ALPP: variants seen among roughly 807,000 people sequenced by gnomAD.
ALPP encodes alkaline phosphatase, placental.
Under a neutral mutation model 50.7 loss-of-function variants are expected in ALPP, and 39 were observed. The ratio of observed to expected loss-of-function variants is 0.77; its 90% CI spans 0.60 to 1.00. The LOEUF (loss-of-function observed/expected upper bound fraction) is 1.00. ALPP is among the 50% of genes least tolerant of loss of function. ALPP has a pLI of 0.00. For synonymous variants in ALPP, 226 were observed against 320.3 expected (o/e 0.71, Z 3.14); for missense variants, 550 against 746.8 (o/e 0.74, Z 3.07).
rs1049043 is a variant in ALPP at position 232,382,113 on chromosome 2, C to T, written c.*318C>T. 5 of 489,894 alleles carry T rather than the reference C, an allele frequency of 1.0e-5. No individual in the cohort carries two copies. Among genetic ancestry groups the T allele is most frequent in the African/African-American group, 2.0e-5 (1 of 50,310 alleles). 30.3% of individuals were successfully genotyped at this position (489,894 alleles called of 1,614,324 possible). ...AGCCCAGTGGGTACCAGGCAGGCTC[C>T]CTTCCTGGGGAAAAGAAGCACCCAG... On this transcript the variant is annotated 3_prime_UTR_variant, in exon 11 of 11. Transcript: ENST00000392027.
At chr2:232,381,466 C>T in intron 10 of ALPP, 31 bp from the exon 11 acceptor site, 1 of 1,612,536 alleles carries the variant, frequency 6.2e-7, no homozygotes, top group Non-Finnish European at 8.5e-7. Flanking sequence ...ACTGAATGAA[C>T]CCTCCTACCG....
rs773483429 is a variant in ALPP, at chr2:232,381,340, C to T, written c.1282C>T (p.Arg428Trp). 28 of 1,614,056 alleles carry T rather than the reference C, an allele frequency of 1.7e-5. No individual in the cohort carries two copies. The highest frequency in any genetic ancestry group is 2.2e-5 in the East Asian group (1 of 44,888). ...GPGYVLKDGA[R>W]PDVTESESGS... Reference sequence around the variant, plus strand: ...AGGCTATGTGCTCAAGGACGGCGCCCGGCCGGATGTTACCGAGAGCGAGAG... The same window carrying T: ...AGGCTATGTGCTCAAGGACGGCGCCTGGCCGGATGTTACCGAGAGCGAGAG... The change falls in exon 10 of 11, where the codon CGG (arginine) becomes TGG (tryptophan). Residue 428 changes from arginine (R) to tryptophan (W), a missense_variant. Transcript: ENST00000392027.
chr2:232,380,399 T>C (rs201872914), intron 6 of ALPP, 21 bp from the exon 7 acceptor site: 16,816 of 1,613,128 alleles, frequency 0.01, 178 homozygotes, highest in South Asian at 0.028. Context: ...GGCTGAGGCC[T>C]GGCTCTCTCC....
rs1696728487 is a variant in ALPP, at chr2:232,382,061, G to A, written c.*266G>A. The stretch of plus-strand genomic sequence containing the variant: ...CTGCCTGCACCCCAGGAAAGGAGGG[G>A]GCTCAGGCCATCCAGCCACCACCTA... On this transcript the variant is annotated 3_prime_UTR_variant, in exon 11 of 11. Coordinates refer to ENST00000392027, the MANE Select transcript of ALPP (RefSeq NM_001632.5). The A allele has an allele frequency of 4.9e-6, 3 of 614,618 alleles. No individual in the cohort carries two copies. Among genetic ancestry groups the A allele is most frequent in the Admixed American group, 6.2e-5 (2 of 32,386 alleles). 38.1% of individuals were successfully genotyped at this position (614,618 alleles called of 1,614,324 possible). A position where few individuals can be genotyped will look rare whatever the true frequency, so the allele number is the denominator to read the frequency against.
At position 232,382,688 on chromosome 2, in the gene ALPP, C is replaced by T. The variant is rs1575047064; in HGVS notation, c.*893C>T. ...ACCATCCTGGCTAACACGGTGAAAC[C>T]CCTTATCTATGCGCCTGTAGTCCCA... On this transcript the variant is annotated 3_prime_UTR_variant, in exon 11 of 11. Transcript: ENST00000392027. 6.6e-6 allele frequency: 1 copy of T among 152,208 alleles called. No individual in the cohort carries two copies. The highest frequency in any genetic ancestry group is 2.1e-4 in the South Asian group (1 of 4,786). 9.4% of individuals were successfully genotyped at this position (152,208 alleles called of 1,614,324 possible). A position where few individuals can be genotyped will look rare whatever the true frequency, so the allele number is the denominator to read the frequency against.
At chr2:232,380,045 G>A (rs1296633566) in intron 5 of ALPP, 109 bp downstream of exon 5, 39 of 1,564,324 alleles carry the variant, frequency 2.5e-5, no homozygotes, top group Non-Finnish European at 3.2e-5. Context: ...GGGTCTGGAG[G>A]TGGGGTTGTG....
At chr2:232,381,433 G>A in intron 10 of ALPP, 64 bp from the exon 11 acceptor site, 2 of 1,612,510 alleles carry the variant, frequency 1.2e-6, no homozygotes, top group South Asian at 1.1e-5. Context: ...TGGCGGGAAG[G>A]GGTCACCTCC....
chr2:232,381,594 C>G lies in ALPP; in HGVS notation c.1407C>G (p.His469Gln), dbSNP rs776123736. 1.1e-4 allele frequency: 178 copies of G among 1,612,604 alleles called. No individual in the cohort carries two copies. Among genetic ancestry groups the G allele is most frequent in the Non-Finnish European group, 1.3e-4 (158 of 1,179,690 alleles). Reference sequence around the variant, plus strand: ...TGTTCGCGCGCGGCCCGCAGGCGCACCTGGTTCACGGCGTGCAGGAGCAGA... The same window carrying G: ...TGTTCGCGCGCGGCCCGCAGGCGCAGCTGGTTCACGGCGTGCAGGAGCAGA... ...VAVFARGPQA[H>Q]LVHGVQEQTF... Residue 469 changes from histidine to glutamine, a missense_variant, in exon 11 of 11, where the codon CAC (histidine) becomes CAG (glutamine). His to Gln is a conservative substitution (Grantham distance 24). Around this residue, in one of 5 missense-constraint regions of ALPP, gnomAD observed 155 missense variants for 167.6 expected, o/e 0.92. Coordinates refer to ENST00000392027, the MANE Select transcript of ALPP (RefSeq NM_001632.5).
chr2:232,378,835 G>A lies in ALPP; in HGVS notation c.33G>A (p.Leu11=), dbSNP rs746223872. 47 of 1,614,052 alleles carry A rather than the reference G, an allele frequency of 2.9e-5. No individual in the cohort carries two copies. Among genetic ancestry groups the A allele is most frequent in the Middle Eastern group, 1.7e-4 (1 of 6,060 alleles). Residue 11 remains leucine, a synonymous_variant, in exon 1 of 11, where the codon CTG becomes CTA. Transcript: ENST00000392027. MLGPCMLLLL[L]LLGLRLQLSL... ...GGCCCTGCATGCTGCTGCTGCTGCT[G>A]CTGCTGGGCCTGAGGCTACAGCTCT... is the stretch of plus-strand genomic sequence containing the variant.
intron 7 of ALPP, 37 bp downstream of exon 7, chr2:232,380,529 G>A: frequency 6.2e-7 from 1 of 1,613,920 alleles, no homozygotes. Flanking sequence ...TCCCTCAGAT[G>A]GCCTCAGATG....
Position 232,381,676 on chromosome 2 carries a change from G to T in ALPP, c.1489G>T (p.Asp497Tyr). The stretch of plus-strand genomic sequence containing the variant: ...CTGCCTGGAGCCCTACACCGCCTGC[G>T]ACCTGGCGCCCCCCGCCGGCACCAC... ...AACLEPYTAC[D>Y]LAPPAGTTDA... Residue 497 changes from aspartate to tyrosine, a missense_variant, in exon 11 of 11, where the codon GAC (aspartate) becomes TAC (tyrosine). Physicochemically the swap from Asp to Tyr is radical, Grantham distance 160. Transcript: ENST00000392027. The T allele has an allele frequency of 1.2e-6, 2 of 1,609,276 alleles. No individual in the cohort carries two copies. The highest frequency in any genetic ancestry group is 1.7e-5 in the Admixed American group (1 of 59,820).
rs1187859337 is a variant in ALPP, at chr2:232,379,499, G to A, written c.310-14G>A. 3.1e-6 allele frequency: 5 copies of A among 1,613,904 alleles called. No individual in the cohort carries two copies. The highest frequency in any genetic ancestry group is 3.4e-6 in the Non-Finnish European group (4 of 1,179,990). On this transcript the variant is annotated splice_polypyrimidine_tract_variant and intron_variant, in intron 3 of 10. Transcript: ENST00000392027. ...TCTGCCCCAGAGAAGAGCTCAGAGT[G>A]TCTCTGTCCCCAGACATACAATGTA...
rs768030820 is a variant in ALPP at position 232,380,441 on chromosome 2, C to T, written c.814C>T (p.Arg272Cys). The T allele has an allele frequency of 1.7e-5, 28 of 1,613,820 alleles. No individual in the cohort carries two copies. The highest frequency in any genetic ancestry group is 4.5e-5 in the East Asian group (2 of 44,796). Reference sequence around the variant, plus strand: ...ACAGGGTGCCCGGTATGTGTGGAACCGCACTGAGCTCATGCAGGCTTCCCT... The same window carrying T: ...ACAGGGTGCCCGGTATGTGTGGAACTGCACTGAGCTCATGCAGGCTTCCCT... ...KRQGARYVWNRTELMQASLDP... is the reference protein window; with the variant it reads ...KRQGARYVWNCTELMQASLDP... The change falls in exon 7 of 11, where the codon CGC (arginine) becomes TGC (cysteine). Residue 272 changes from arginine to cysteine, a missense_variant. By Grantham distance (180) the Arg-to-Cys change is radical (BLOSUM62 -3). Coordinates refer to ENST00000392027, the MANE Select transcript of ALPP (RefSeq NM_001632.5).
In ALPP at chr2:232,380,328, G is replaced by C. The variant is rs201887151; in HGVS notation, c.792+8G>C. 3.2e-4 allele frequency: 523 copies of C among 1,613,604 alleles called. 5 individuals are homozygous for C. The African/African-American group carries it at 6.4e-3, about 20-fold the overall frequency. ...TGGCTGGCGAAGCGCCAGGTGATGG[G>C]GGCTGGCGGGTGCAGGGGGCACAGC... On this transcript the variant is annotated splice_region_variant and intron_variant, in intron 6 of 10. Coordinates refer to ENST00000392027, the MANE Select transcript of ALPP (RefSeq NM_001632.5).
At position 232,378,779 on chromosome 2, in the gene ALPP, C is replaced by T. The variant is rs1286252809; in HGVS notation, c.-24C>T. 1 of 1,611,426 alleles carries T rather than the reference C, an allele frequency of 6.2e-7. No homozygotes were observed. Among genetic ancestry groups the T allele is most frequent in the Admixed American group, 1.7e-5 (1 of 59,818 alleles). ...CTCCATGCCCAGAATTCCTGCCTCG[C>T]CACTGTCCTGCTGCCCTCCAGACAT... is the stretch of plus-strand genomic sequence containing the variant. On this transcript the variant is annotated 5_prime_UTR_variant, in exon 1 of 11. Coordinates refer to ENST00000392027, the MANE Select transcript of ALPP (RefSeq NM_001632.5).
chr2:232,379,787 AC>A lies in ALPP; in HGVS notation c.510del (p.Thr171HisfsTer16). 1 of 1,613,880 alleles carries A rather than the reference AC, an allele frequency of 6.2e-7. No homozygotes were observed. ...AGGGAAGTCAGTGGGAGTGGTAACC[AC>A]CACACGAGTGCAGCACGCCTCGCCA... is the stretch of plus-strand genomic sequence containing the variant. ...KAGKSVGVVT[T>X]TRVQHASPAG... On this transcript the variant is annotated frameshift_variant, in exon 5 of 11. Coordinates refer to ENST00000392027, the MANE Select transcript of ALPP (RefSeq NM_001632.5). LOFTEE classifies it high-confidence loss of function.
rs745487659 is a variant in ALPP at position 232,381,663 on chromosome 2, C to T, written c.1476C>T (p.Pro492=). ...HVMAFAACLE[P]YTACDLAPPA... ...TGGCCTTCGCCGCCTGCCTGGAGCCCTACACCGCCTGCGACCTGGCGCCCC... is the reference window on the plus strand; with the variant it reads ...TGGCCTTCGCCGCCTGCCTGGAGCCTTACACCGCCTGCGACCTGGCGCCCC... Residue 492 remains proline (P), a synonymous_variant, in exon 11 of 11, where the codon CCC becomes CCT. Transcript: ENST00000392027. 113 of 1,610,536 alleles carry T rather than the reference C, an allele frequency of 7.0e-5. No individual in the cohort carries two copies. The highest frequency in any genetic ancestry group is 9.2e-5 in the Non-Finnish European group (109 of 1,178,984).
rs1130339 is a variant in ALPP at position 232,379,297 on chromosome 2, A to G, written c.291A>G (p.Pro97=). 5 of 1,613,938 alleles carry G rather than the reference A, an allele frequency of 3.1e-6. No homozygotes were observed. The highest frequency in any genetic ancestry group is 2.5e-6 in the Non-Finnish European group (3 of 1,180,012). ...TACCCCTGGCCATGGACCGCTTCCC[A>G]TATGTGGCTCTGTCCAAGGTAAGTG... ...PEIPLAMDRF[P]YVALSKTYNV... The change falls in exon 3 of 11, where the codon CCA becomes CCG. Residue 97 remains proline, a synonymous_variant. Transcript: ENST00000392027.
chr2:232,379,387 G>A (rs573129363), intron 3 of ALPP, 72 bp downstream of exon 3: 2 of 1,594,632 alleles, frequency 1.3e-6, no homozygotes, highest in Admixed American at 3.5e-5. Flanking sequence ...TGGTAGGAGG[G>A]AGGGACCCTA....
Sources: allele counts gnomAD v4.1 joint callset, GRCh38; gene constraint gnomAD v4.1.1; regional missense constraint gnomAD v4.1.1; transcripts MANE v1.5; gene names NCBI Gene and HGNC (gene_info 2026-07-23, HGNC 2026-07-21).